Variants in CMSS1 observed in about 807,000 individuals in gnomAD.
CMSS1 encodes the protein cms1 ribosomal small subunit homolog.
In CMSS1, 33 loss-of-function variants were observed where a neutral mutation model predicts 43.5. That is an observed-to-expected ratio of 0.76 (90% CI 0.57 to 1.01). CMSS1 has a LOEUF of 1.01. CMSS1 is among the 50% of genes least tolerant of loss of function. The pLI is 0.00. For missense variants in CMSS1, 313 were observed against 326.4 expected (o/e 0.96, Z 0.32); for synonymous variants, 115 against 117.2 (o/e 0.98, Z 0.12).
intron 1 of CMSS1, among the ~76,000 whole-genome samples, chr3:100,061,580 A>G (rs1411666899): frequency 1.3e-5 from 2 of 152,258 alleles, no homozygotes; most frequent in East Asian, 1.9e-4. Flanking sequence ...GCTTTACCTC[A>G]TAATAAGAGC....
intron 1 of CMSS1, chr3:99,848,763 T>C (rs200458263): frequency 1.2e-6 from 2 of 1,614,070 alleles, no homozygotes; most frequent in African/African-American, 1.3e-5. Flanking sequence ...GGGACATGCC[T>C]TGTTCTAAAT....
chr3:100,152,372 TG>T (rs1332803568), intron 2 of CMSS1, among the ~76,000 whole-genome samples: 1 of 152,182 alleles, frequency 6.6e-6, no homozygotes, highest in South Asian at 2.1e-4. Context: ...TTAAAAACTG[TG>T]GGTGTCACCT....
chr3:99,953,420 G>A (rs900787582), intron 1 of CMSS1, among the ~76,000 whole-genome samples: 1 of 152,156 alleles, frequency 6.6e-6, no homozygotes. Context: ...GAGGTTCTGA[G>A]GGTGCAGTTT....
At chr3:99,895,329 A>C (rs1177635818) in intron 1 of CMSS1, among the ~76,000 whole-genome samples, 1 of 151,280 alleles carries the variant, frequency 6.6e-6, no homozygotes, top group East Asian at 1.9e-4. Flanking sequence ...TAATCCAACT[A>C]GCTTTGCAGT....
intron 1 of CMSS1, among the ~76,000 whole-genome samples, chr3:99,877,350 C>T (rs1559672664): frequency 6.6e-6 from 1 of 152,082 alleles, no homozygotes; most frequent in Non-Finnish European, 1.5e-5. Flanking sequence ...ATAGTCTGCT[C>T]GCTTCATTTT....
intron 1 of CMSS1, among the ~76,000 whole-genome samples, chr3:100,139,029 A>G (rs574342972): frequency 1.7e-4 from 26 of 152,334 alleles, no homozygotes; most frequent in Admixed American, 3.9e-4. Context: ...GAATGAGATC[A>G]TGTCCATTGC....
intron 1 of CMSS1, among the ~76,000 whole-genome samples, chr3:99,966,901 G>A (rs1708669911): frequency 6.6e-6 from 1 of 152,214 alleles, no homozygotes; most frequent in South Asian, 2.1e-4. Flanking sequence ...AGCCTGGATT[G>A]TAAAGTCTGG....
At chr3:100,081,364 G>A (rs1156921400) in intron 1 of CMSS1, among the ~76,000 whole-genome samples, 1 of 152,136 alleles carries the variant, frequency 6.6e-6, no homozygotes, top group Non-Finnish European at 1.5e-5. Flanking sequence ...GTCAGTTTAT[G>A]CTTTTGGAAA....
intron 2 of CMSS1, among the ~76,000 whole-genome samples, chr3:100,150,415 C>A (rs1039164183): frequency 1.3e-5 from 2 of 152,134 alleles, no homozygotes; most frequent in Non-Finnish European, 2.9e-5. Flanking sequence ...ACTATTCCTT[C>A]AGTTTTTCTT....
intron 1 of CMSS1, among the ~76,000 whole-genome samples, chr3:100,091,141 T>A (rs34081874): frequency 6.6e-6 from 1 of 150,618 alleles, no homozygotes; most frequent in Non-Finnish European, 1.5e-5. Flanking sequence ...AAAACTTAGC[T>A]GGGCATGGTG....
intron 1 of CMSS1, among the ~76,000 whole-genome samples, chr3:100,027,086 T>C (rs1350088408): frequency 1.3e-5 from 2 of 152,146 alleles, no homozygotes; most frequent in Non-Finnish European, 2.9e-5. Flanking sequence ...TTAAATGTCA[T>C]CTTCTCAGTG....
At chr3:100,065,294 A>G (rs1318774382) in intron 1 of CMSS1, among the ~76,000 whole-genome samples, 1 of 152,198 alleles carries the variant, frequency 6.6e-6, no homozygotes, top group Non-Finnish European at 1.5e-5. Flanking sequence ...TTCCTGCTAT[A>G]GTTTGAGAAC....
intron 1 of CMSS1, among the ~76,000 whole-genome samples, chr3:99,981,369 C>A (rs753410313): frequency 6.6e-6 from 1 of 152,198 alleles, no homozygotes; most frequent in Non-Finnish European, 1.5e-5. Context: ...CTCCACCCAT[C>A]TGGCTTCTGT....
intron 1 of CMSS1, among the ~76,000 whole-genome samples, chr3:99,821,202 C>T (rs114702783): frequency 0.016 from 2,398 of 152,280 alleles, 58 homozygotes; most frequent in African/African-American, 0.054. Flanking sequence ...TGCACTGGAG[C>T]TCAACATGGG....
chr3:100,010,191 G>C, intron 1 of CMSS1: 1 of 906,736 alleles, frequency 1.1e-6, no homozygotes, highest in South Asian at 5.1e-5. Flanking sequence ...GTAAAGTATT[G>C]CTATTTTTAT....
At chr3:99,856,817 T>C (rs1292703526) in intron 1 of CMSS1, among the ~76,000 whole-genome samples, 2 of 152,228 alleles carry the variant, frequency 1.3e-5, no homozygotes, top group Non-Finnish European at 2.9e-5. Flanking sequence ...GCCTATATTT[T>C]ATCTCCTCTG....
chr3:99,967,799 T>G (rs1365807130), intron 1 of CMSS1, among the ~76,000 whole-genome samples: 1 of 152,206 alleles, frequency 6.6e-6, no homozygotes, highest in East Asian at 1.9e-4. Flanking sequence ...CAACCAATAC[T>G]CCTTGAGTGC....
chr3:99,840,221 C>CTTTTTT lies in CMSS1; in HGVS notation c.64+22195_64+22200dup, dbSNP rs10935982. 9.8e-5 allele frequency among the ~76,000 whole-genome samples: 10 copies of CTTTTTT among 102,138 alleles called. 1 individual carries two copies. The highest frequency in any genetic ancestry group is 2.7e-4 in the African/African-American group (7 of 26,028). The allele number at this position is 102,138 out of a possible 152,430, so 67.0% of individuals were successfully genotyped here. On this transcript the variant is annotated intron_variant, in intron 1 of 9. Transcript: ENST00000421999. Reference sequence around the variant, plus strand: ...GGTAAAAGAAATTAATTCGTAGAATCTTTTTTTTTTTTTTTTTTTTTTGAG... The same window carrying CTTTTTT: ...GGTAAAAGAAATTAATTCGTAGAATCTTTTTTTTTTTTTTTTTTTTTTTTTTTTGAG...
At chr3:100,055,989 T>TTAA (rs776028432) in intron 1 of CMSS1, among the ~76,000 whole-genome samples, 1 of 152,184 alleles carries the variant, frequency 6.6e-6, no homozygotes, top group Non-Finnish European at 1.5e-5. Flanking sequence ...ATCTTAGGCA[T>TTAA]TCAGAGAAGG....
Sources: gnomAD v4.1 joint callset for allele counts (sites outside exome capture counted in the v4.1 genomes callset) on GRCh38, gnomAD v4.1.1 for gene constraint, MANE v1.5 for transcripts, NCBI Gene and HGNC (gene_info 2026-07-23, HGNC 2026-07-21) for gene names.